DAAM1: variants seen among roughly 807,000 people sequenced by gnomAD.
The protein encoded by DAAM1 is disheveled-associated activator of morphogenesis 1.
A neutral mutation model predicts 130.0 loss-of-function variants in DAAM1; 52 were observed. That is an observed-to-expected ratio of 0.40 (90% confidence interval 0.32 to 0.50). The LOEUF (loss-of-function observed/expected upper bound fraction) is 0.50, where lower values mean the gene tolerates loss of function less well. Among genes scored for constraint, DAAM1 ranks in the 20% least tolerant of loss-of-function variants. The pLI is 0.61. For missense variants in DAAM1, 1,134 were observed against 1,303.8 expected, an observed-to-expected ratio of 0.87 and a Z score of 2.01; for synonymous variants, 452 against 444.5, an observed-to-expected ratio of 1.02 and a Z score of -0.21.
intron 2 of DAAM1, among the ~76,000 whole-genome samples, chr14:59,270,330 A>G (rs1882654140): frequency 6.6e-6 from 1 of 152,228 alleles, no homozygotes; most frequent in Non-Finnish European, 1.5e-5. Context: ...GGTGGAGGCA[A>G]AGAAAAGTCT....
At chr14:59,266,724 C>A (rs1383284494) in intron 2 of DAAM1, among the ~76,000 whole-genome samples, 1 of 152,206 alleles carries the variant, frequency 6.6e-6, no homozygotes. Flanking sequence ...AAAGCTGCTG[C>A]AAACCTCTGC....
intron 1 of DAAM1, among the ~76,000 whole-genome samples, chr14:59,197,675 T>C (rs1887943213): frequency 6.6e-6 from 1 of 152,372 alleles, no homozygotes; most frequent in South Asian, 2.1e-4. Context: ...TTTAAAAATG[T>C]ATATAGTTTT....
chr14:59,332,117 T>A (rs1885467305), intron 15 of DAAM1, among the ~76,000 whole-genome samples, 197 bp downstream of exon 15: 1 of 152,198 alleles, frequency 6.6e-6, no homozygotes, highest in African/African-American at 2.4e-5. Context: ...AAGCTCCTTG[T>A]TAGGGAGTTT....
intron 1 of DAAM1, among the ~76,000 whole-genome samples, chr14:59,196,760 A>G (rs1002750061): frequency 1.7e-4 from 26 of 152,058 alleles, no homozygotes; most frequent in Admixed American, 6.6e-5. Flanking sequence ...AAAACAAAAC[A>G]AAACAAAAAA....
intron 1 of DAAM1, among the ~76,000 whole-genome samples, chr14:59,231,159 A>G (rs1339366548): frequency 1.3e-5 from 2 of 152,236 alleles, no homozygotes; most frequent in African/African-American, 4.8e-5. Context: ...CATATGGCAC[A>G]GCATATTATT....
rs377591362 is a variant in DAAM1, at chr14:59,272,559, A to G, written c.183+8899A>G. 1.5e-4 allele frequency among the ~76,000 whole-genome samples: 23 copies of G among 152,128 alleles called. 1 individual carries two copies. The highest frequency in any genetic ancestry group is 8.5e-4 in the Admixed American group (13 of 15,272). ...GCCACTGCACTCCAGCCTGGGCAGC[A>G]GAGCAAGACTGTCTCAAAAAACAAA... On this transcript the variant is annotated intron_variant, in intron 2 of 24. Coordinates refer to ENST00000360909, the MANE Select transcript of DAAM1 (RefSeq NM_001270520.2).
chr14:59,318,271 C>T (rs1006136045), intron 4 of DAAM1, among the ~76,000 whole-genome samples: 2 of 151,762 alleles, frequency 1.3e-5, no homozygotes, highest in Non-Finnish European at 2.9e-5. Context: ...AGAAACGATT[C>T]AAACGGGAGC....
intron 2 of DAAM1, among the ~76,000 whole-genome samples, chr14:59,286,150 AAAC>A (rs1388353306): frequency 6.6e-6 from 1 of 152,184 alleles, no homozygotes; most frequent in Non-Finnish European, 1.5e-5. Context: ...CATGGAAGTT[AAAC>A]AACCTGCTCC....
intron 6 of DAAM1, 131 bp downstream of exon 6, chr14:59,323,356 A>T: frequency 1.0e-6 from 1 of 968,446 alleles, no homozygotes; most frequent in Non-Finnish European, 1.5e-6. Flanking sequence ...GTGTGACTTT[A>T]AACATTCCCT....
intron 1 of DAAM1, among the ~76,000 whole-genome samples, chr14:59,216,530 G>A (rs1250199294): frequency 3.3e-5 from 5 of 152,150 alleles, no homozygotes; most frequent in Non-Finnish European, 5.9e-5. Flanking sequence ...AGACCAGCCT[G>A]GCCAACATGG....
chr14:59,240,162 G>A (rs1373642219), intron 1 of DAAM1, among the ~76,000 whole-genome samples: 2 of 152,164 alleles, frequency 1.3e-5, no homozygotes, highest in African/African-American at 2.4e-5. Flanking sequence ...CTAGAGGGGG[G>A]TATGGCTTGA....
intron 12 of DAAM1, 36 bp downstream of exon 12, chr14:59,327,027 T>C: frequency 1.2e-6 from 2 of 1,611,536 alleles, no homozygotes; most frequent in Non-Finnish European, 1.7e-6. Context: ...GCTGTGTTAT[T>C]GGTTATTGGG....
chr14:59,291,163 T>C, intron 2 of DAAM1, 54 bp from the exon 3 acceptor site: 1 of 1,410,130 alleles, frequency 7.1e-7, no homozygotes. Context: ...GATAACGTTC[T>C]CTACAGGAAT....
chr14:59,330,663 C>G lies in DAAM1; in HGVS notation c.1535C>G (p.Thr512Arg). The G allele has an allele frequency of 6.2e-7, 1 of 1,612,658 alleles. No individual in the cohort carries two copies. Among genetic ancestry groups the G allele is most frequent in the Non-Finnish European group, 8.5e-7 (1 of 1,179,474 alleles). Residue 512 changes from threonine (T) to arginine (R), a missense_variant, in exon 13 of 25, where the codon ACA becomes AGA. Coordinates refer to ENST00000360909, the MANE Select transcript of DAAM1 (RefSeq NM_001270520.2). ...GTCAAGCAGCAGGTGGCGGACCTCA[C>G]AGCACAGCTCCATGAGCTCAGCAGG... ...KQVKQQVADL[T>R]AQLHELSRRA...
chr14:59,346,505 G>A (rs548842785), intron 16 of DAAM1, among the ~76,000 whole-genome samples: 1 of 152,280 alleles, frequency 6.6e-6, no homozygotes, highest in East Asian at 1.9e-4. Context: ...GGTGACTCAT[G>A]CCTGTAATCC....
chr14:59,344,576 T>C (rs554377186), intron 16 of DAAM1, among the ~76,000 whole-genome samples: 1 of 152,118 alleles, frequency 6.6e-6, no homozygotes, highest in Admixed American at 6.5e-5. Context: ...CCCTTTCCCT[T>C]AAGGTAGGGT....
chr14:59,310,804 G>A (rs940631498), intron 3 of DAAM1, among the ~76,000 whole-genome samples: 2 of 152,062 alleles, frequency 1.3e-5, no homozygotes, highest in African/African-American at 4.8e-5. Flanking sequence ...TCCTCAATTC[G>A]TAACAGCACA....
At position 59,197,419 on chromosome 14, in the gene DAAM1, T is replaced by C. The variant is rs10144967; in HGVS notation, c.-38+8651T>C. Among the ~76,000 whole-genome samples the C allele has an allele frequency of 2.7e-3, 416 of 152,340 alleles. 2 individuals carry two copies. Among genetic ancestry groups the C allele is most frequent in the African/African-American group, 9.5e-3 (397 of 41,576 alleles). On this transcript the variant is annotated intron_variant, in intron 1 of 24. Transcript: ENST00000360909. Reference sequence around the variant, plus strand: ...AGTTGGAGGACATGCAATAAATAAATGCTGGAATTGAAGCCAATGGCTGAG... The same window carrying C: ...AGTTGGAGGACATGCAATAAATAAACGCTGGAATTGAAGCCAATGGCTGAG...
intron 3 of DAAM1, among the ~76,000 whole-genome samples, chr14:59,310,296 ATTTTAT>A (rs1884538433): frequency 6.6e-6 from 1 of 151,408 alleles, no homozygotes; most frequent in African/African-American, 2.4e-5. Flanking sequence ...AATTATTATT[ATTTTAT>A]TTTTATTTTT....
Sources: gnomAD v4.1 joint callset for allele counts (sites outside exome capture counted in the v4.1 genomes callset) on GRCh38, gnomAD v4.1.1 for gene constraint, MANE v1.5 for transcripts, NCBI Gene and HGNC (gene_info 2026-07-23, HGNC 2026-07-21) for gene names.